Variants in DDX10 observed in about 807,000 individuals in gnomAD.
The protein encoded by DDX10 is probable ATP-dependent RNA helicase DDX10.
Under a neutral mutation model 104.3 loss-of-function variants are expected in DDX10, and 74 were observed. The observed-to-expected ratio is 0.71, with a 90% CI of 0.59 to 0.86. The LOEUF is 0.86. DDX10 is among the 40% of genes least tolerant of loss of function. The pLI is 0.00. For synonymous variants in DDX10, 351 were observed against 353.4 expected (o/e 0.99, Z 0.08); for missense variants, 952 against 1,040.0 (o/e 0.92, Z 1.16).
chr11:108,898,462 G>T (rs1051100954), intron 16 of DDX10, among the ~76,000 whole-genome samples: 4 of 152,022 alleles, frequency 2.6e-5, no homozygotes, highest in African/African-American at 9.6e-5. Context: ...TGGTCACAAA[G>T]CAAGCTCTCA....
At chr11:108,830,370 G>C (rs1167027046) in intron 13 of DDX10, among the ~76,000 whole-genome samples, 1 of 152,062 alleles carries the variant, frequency 6.6e-6, no homozygotes, top group Non-Finnish European at 1.5e-5. Flanking sequence ...GGTCACTGTT[G>C]GTGTATAGCA....
At chr11:108,883,415 A>G (rs1222458717) in intron 16 of DDX10, among the ~76,000 whole-genome samples, 7 of 152,068 alleles carry the variant, frequency 4.6e-5, no homozygotes, top group African/African-American at 1.4e-4. Context: ...CAGCCTCTCT[A>G]TTTGGTTGCT....
At chr11:108,682,514 A>AT (rs2094236873) in intron 6 of DDX10, among the ~76,000 whole-genome samples, 1 of 152,098 alleles carries the variant, frequency 6.6e-6, no homozygotes, top group African/African-American at 2.4e-5. Context: ...TTTACACCCT[A>AT]TGTTTTTAGA....
chr11:108,882,242 A>G (rs1863236715), intron 16 of DDX10, among the ~76,000 whole-genome samples: 1 of 152,222 alleles, frequency 6.6e-6, no homozygotes, highest in African/African-American at 2.4e-5. Context: ...CCTACATGAA[A>G]TGGTGTTTGT....
intron 13 of DDX10, among the ~76,000 whole-genome samples, chr11:108,812,029 C>G (rs1283961277): frequency 6.6e-6 from 1 of 151,722 alleles, no homozygotes; most frequent in Non-Finnish European, 1.5e-5. Flanking sequence ...TTTTTTTTAT[C>G]CTGGTACAGT....
At chr11:108,798,039 C>T (rs1419642215) in intron 13 of DDX10, among the ~76,000 whole-genome samples, 1 of 152,184 alleles carries the variant, frequency 6.6e-6, no homozygotes, top group Non-Finnish European at 1.5e-5. Flanking sequence ...CTAAAACTGT[C>T]ACTTGACTCC....
chr11:108,722,753 T>C (rs1056642346), intron 12 of DDX10, among the ~76,000 whole-genome samples: 3 of 152,224 alleles, frequency 2.0e-5, no homozygotes, highest in African/African-American at 7.2e-5. Flanking sequence ...TCCAGTGCTC[T>C]TTATCTTATT....
intron 6 of DDX10, among the ~76,000 whole-genome samples, chr11:108,682,234 A>G (rs1051488251): frequency 6.6e-6 from 1 of 152,140 alleles, no homozygotes; most frequent in African/African-American, 2.4e-5. Context: ...CTTCCCGAGC[A>G]GCTGGGATTA....
chr11:108,874,187 A>T (rs937841796), intron 16 of DDX10, among the ~76,000 whole-genome samples: 2 of 152,226 alleles, frequency 1.3e-5, no homozygotes, highest in Non-Finnish European at 2.9e-5. Flanking sequence ...GAAAAAAAAT[A>T]CCGTGTGTGA....
chr11:108,774,622 T>C (rs983082431), intron 13 of DDX10, among the ~76,000 whole-genome samples: 1 of 152,198 alleles, frequency 6.6e-6, no homozygotes, highest in Non-Finnish European at 1.5e-5. Flanking sequence ...GCATTTCTTT[T>C]ATCCCCTCCA....
intron 13 of DDX10, among the ~76,000 whole-genome samples, chr11:108,815,465 T>A (rs1862242885): frequency 6.6e-6 from 1 of 152,178 alleles, no homozygotes; most frequent in Non-Finnish European, 1.5e-5. Flanking sequence ...TATACACAGG[T>A]TTTATATCCT....
At chr11:108,694,693 A>G (rs2134452389) in intron 9 of DDX10, among the ~76,000 whole-genome samples, 3 of 152,306 alleles carry the variant, frequency 2.0e-5, no homozygotes, top group Middle Eastern at 6.8e-3. Flanking sequence ...AGCCTGAGCA[A>G]CATGGTGAAA....
chr11:108,826,691 C>A (rs1187272469), intron 13 of DDX10, among the ~76,000 whole-genome samples: 2 of 152,132 alleles, frequency 1.3e-5, no homozygotes, highest in Non-Finnish European at 2.9e-5. Flanking sequence ...TGCAGCAGGG[C>A]CACAAAGATG....
At chr11:108,816,036 A>G (rs898261949) in intron 13 of DDX10, among the ~76,000 whole-genome samples, 23 of 146,468 alleles carry the variant, frequency 1.6e-4, no homozygotes, top group African/African-American at 5.7e-4. Flanking sequence ...ACATCTTAAC[A>G]CTCCTAGCAA....
intron 16 of DDX10, chr11:108,868,201 G>A (rs371710494): frequency 1.3e-5 from 2 of 152,080 alleles, no homozygotes; most frequent in African/African-American, 4.8e-5. Flanking sequence ...GACTTTCATA[G>A]CAGCATTGTG....
chr11:108,785,389 T>G (rs1861777144), intron 13 of DDX10, among the ~76,000 whole-genome samples: 1 of 150,630 alleles, frequency 6.6e-6, no homozygotes. Context: ...GAAGCTTTTT[T>G]GTTGTTGTTG....
intron 16 of DDX10, among the ~76,000 whole-genome samples, chr11:108,902,472 A>AT (rs1863529486): frequency 6.6e-6 from 1 of 152,298 alleles, no homozygotes; most frequent in East Asian, 1.9e-4. Context: ...TCTATAAACT[A>AT]TGTCATTGAG....
At chr11:108,787,464 C>T (rs1174742700) in intron 13 of DDX10, among the ~76,000 whole-genome samples, 6 of 151,914 alleles carry the variant, frequency 3.9e-5, no homozygotes, top group African/African-American at 1.4e-4. Context: ...CTCTCCTTCT[C>T]TCTCAAGAAT....
rs76809518 is a variant in DDX10, at chr11:108,859,740, G to T, written c.2304+7531G>T. On this transcript the variant is annotated intron_variant, in intron 16 of 17. Coordinates refer to ENST00000322536, the MANE Select transcript of DDX10 (RefSeq NM_004398.4). ...GAATCATTGTGGTCAGTTTCATTAT[G>T]TGGCTGAGTCTGTGTTATTCCAGTG... Among the ~76,000 whole-genome samples the T allele has an allele frequency of 3.9e-3, 595 of 152,298 alleles. 3 individuals are homozygous for T. The highest frequency in any genetic ancestry group is 0.014 in the African/African-American group (573 of 41,562).
Sources: gnomAD v4.1 joint callset for allele counts (sites outside exome capture counted in the v4.1 genomes callset) on GRCh38, gnomAD v4.1.1 for gene constraint, MANE v1.5 for transcripts, NCBI Gene and HGNC (gene_info 2026-07-23, HGNC 2026-07-21) for gene names.